The following MYH15 variants were observed in gnomAD, a reference collection of about 807,000 sequenced individuals.
MYH15 encodes myosin-15.
In MYH15, 227 loss-of-function variants were observed where a neutral mutation model predicts 240.5. That is an observed-to-expected ratio of 0.94 (90% CI 0.85 to 1.05). The LOEUF is 1.05. MYH15 is among the 50% of genes least tolerant of loss of function. The pLI is 0.00. For synonymous variants in MYH15, 785 were observed against 796.7 expected, an observed-to-expected ratio of 0.99 and a Z score of 0.25; for missense variants, 2,217 against 2,247.5, an observed-to-expected ratio of 0.99 and a Z score of 0.27.
intron 1 of MYH15, among the ~76,000 whole-genome samples, chr3:108,515,984 T>C (rs1416144836): frequency 2.0e-5 from 3 of 152,174 alleles, no homozygotes; most frequent in South Asian, 2.1e-4. Context: ...ACAGTAAATC[T>C]ATCACTCAGC....
At chr3:108,511,043 G>C (rs747589964), upstream of MYH15, among the ~76,000 whole-genome samples, 1 of 152,002 alleles carries the variant, frequency 6.6e-6, no homozygotes, top group Non-Finnish European at 1.5e-5. Flanking sequence ...GCCACCCTGC[G>C]CCATGGAGTT....
At chr3:108,529,162 C>T in intron 1 of MYH15, 2 of 1,088,172 alleles carry the variant, frequency 1.8e-6, no homozygotes, top group Non-Finnish European at 2.7e-6. Context: ...AATTGGTGTG[C>T]TGCTGATTAA....
intron 7 of MYH15, among the ~76,000 whole-genome samples, chr3:108,494,377 A>G (rs1410843149): frequency 1.3e-5 from 2 of 151,722 alleles, no homozygotes; most frequent in East Asian, 3.9e-4. Context: ...ATTTTTTTGA[A>G]CTCCTTTTTC....
chr3:108,470,330 C>T (rs944975633), intron 13 of MYH15, 118 bp from the exon 14 acceptor site: 1 of 669,856 alleles, frequency 1.5e-6, no homozygotes, highest in Non-Finnish European at 2.4e-6. Context: ...ATAGACCCAA[C>T]AAGTAACAAA....
In MYH15 at chr3:108,456,888, A is replaced by G. The variant is rs201886555; in HGVS notation, c.2021-5T>C. ...CCAAGTAAGGGTCCAGTATACCTGG[A>G]AAAAAAAAAGAGTCATGGTGGATCT... On this transcript the variant is annotated splice_region_variant and splice_polypyrimidine_tract_variant and intron_variant, in intron 18 of 40. Transcript: ENST00000693548. 9.5e-4 allele frequency: 1,314 copies of G among 1,381,118 alleles called. 9 individuals carry two copies. The highest frequency in any genetic ancestry group is 4.5e-3 in the South Asian group (333 of 74,678). 85.6% of individuals were successfully genotyped at this position (1,381,118 alleles called of 1,614,324 possible).
At chr3:108,527,612 T>A (rs1327402877) in intron 1 of MYH15, among the ~76,000 whole-genome samples, 6 of 152,166 alleles carry the variant, frequency 3.9e-5, no homozygotes, top group Non-Finnish European at 2.9e-5. Flanking sequence ...GTGTTGACCA[T>A]GTCTCTGAAT....
chr3:108,427,635 C>CACACAACACACACACACACACACAG (rs570359637), intron 27 of MYH15, among the ~76,000 whole-genome samples: 1 of 146,634 alleles, frequency 6.8e-6, no homozygotes, highest in African/African-American at 2.6e-5. Flanking sequence ...CACACACACA[C>CACACAACACACACACACACACACAG]AGAGAGAGAG....
chr3:108,450,344 T>C (rs1305352675), intron 21 of MYH15, among the ~76,000 whole-genome samples: 1 of 152,178 alleles, frequency 6.6e-6, no homozygotes, highest in African/African-American at 2.4e-5. Flanking sequence ...GTCATAAATA[T>C]ACAATGAAAT....
chr3:108,510,658 T>C (rs1576276860), upstream of MYH15: 1 of 1,433,172 alleles, frequency 7.0e-7, no homozygotes, highest in Non-Finnish European at 9.6e-7. Flanking sequence ...TGAGCAACCA[T>C]TCACATAGAT....
At chr3:108,476,344 A>G in intron 12 of MYH15, 53 bp downstream of exon 12, 2 of 1,134,864 alleles carry the variant, frequency 1.8e-6, no homozygotes, top group Non-Finnish European at 2.7e-6. Flanking sequence ...TACAATATAT[A>G]TACAATTATT....
intron 38 of MYH15, among the ~76,000 whole-genome samples, chr3:108,388,112 T>C (rs1576201761): frequency 6.6e-6 from 1 of 152,192 alleles, no homozygotes; most frequent in East Asian, 1.9e-4. Context: ...CAGTGTGAGA[T>C]AGCTTACTGT....
At chr3:108,383,461 G>T in intron 40 of MYH15, 134 bp downstream of exon 40, 1 of 911,320 alleles carries the variant, frequency 1.1e-6, no homozygotes, top group Non-Finnish European at 1.6e-6. Context: ...AGATTTTATT[G>T]GAACCCTTTG....
chr3:108,434,193 T>G (rs141132214), intron 25 of MYH15, among the ~76,000 whole-genome samples: 6,254 of 148,666 alleles, frequency 0.042, 185 homozygotes, highest in Middle Eastern at 0.063. Flanking sequence ...GAGAATGGTT[T>G]TTTTTTTTTT....
chr3:108,383,103 A>G (rs2082355239), intron 40 of MYH15, among the ~76,000 whole-genome samples: 1 of 152,210 alleles, frequency 6.6e-6, no homozygotes, highest in Admixed American at 6.5e-5. Flanking sequence ...AATCAGGAAT[A>G]TAAAGCAGAG....
chr3:108,410,691 G>T lies in MYH15; in HGVS notation c.4387C>A (p.Gln1463Lys). 1 of 1,614,174 alleles carries T rather than the reference G, an allele frequency of 6.2e-7. No homozygotes were observed. Among genetic ancestry groups the T allele is most frequent in the Non-Finnish European group, 8.5e-7 (1 of 1,180,028 alleles). ...GTACTGAGAGCCTGAACTTCCTTCTGAGAGGCATCCAGCAACGCCTGGGAC... is the reference window on the plus strand; with the variant it reads ...GTACTGAGAGCCTGAACTTCCTTCTTAGAGGCATCCAGCAACGCCTGGGAC... ...EESQALLDAS[Q>K]KEVQALSTEL... is the part of the protein sequence containing the mutation. Residue 1463 changes from glutamine to lysine, a missense_variant, in exon 31 of 41, where the codon CAG becomes AAG. Transcript: ENST00000693548.
At chr3:108,385,225 T>A (rs912222984) in intron 38 of MYH15, among the ~76,000 whole-genome samples, 1 of 152,220 alleles carries the variant, frequency 6.6e-6, no homozygotes, top group Admixed American at 6.5e-5. Context: ...TTAGCAGGAA[T>A]GAAGTGCATT....
chr3:108,457,464 C>T (rs1226538576), intron 18 of MYH15, among the ~76,000 whole-genome samples: 1 of 152,118 alleles, frequency 6.6e-6, no homozygotes. Flanking sequence ...CTGTCACCTT[C>T]TCGTTCATCA....
chr3:108,508,181 C>T (rs1383853278), intron 1 of MYH15, among the ~76,000 whole-genome samples: 1 of 152,172 alleles, frequency 6.6e-6, no homozygotes, highest in Non-Finnish European at 1.5e-5. Flanking sequence ...TTTTTCTCCT[C>T]CAATTCTTCT....
At chr3:108,499,238 G>A (rs536873118) in intron 5 of MYH15, among the ~76,000 whole-genome samples, 48 of 152,302 alleles carry the variant, frequency 3.2e-4, no homozygotes, top group African/African-American at 1.1e-3. Flanking sequence ...CTCTGAAAAT[G>A]AGGGAGGCAG....
Sources: gnomAD v4.1 joint callset for allele counts (sites outside exome capture counted in the v4.1 genomes callset) on GRCh38, gnomAD v4.1.1 for gene constraint, MANE v1.5 for transcripts, NCBI Gene and HGNC (gene_info 2026-07-23, HGNC 2026-07-21) for gene names.